The following FBXL13 variants were observed in gnomAD, a reference collection of about 807,000 sequenced individuals.
FBXL13 encodes F-box and leucine-rich repeat protein 13.
FBXL13 carries 67 observed loss-of-function variants against 83.6 expected under a neutral mutation model. The observed-to-expected ratio is 0.80, with a 90% CI of 0.66 to 0.98. The LOEUF (loss-of-function observed/expected upper bound fraction) is 0.98, where lower values mean the gene tolerates loss of function less well. Ranked by LOEUF, FBXL13 falls within the 50% of genes least tolerant of loss-of-function variation. The pLI, the probability that FBXL13 is intolerant of heterozygous loss-of-function variation, is 0.00. For missense variants in FBXL13, 822 were observed against 866.5 expected (o/e 0.95, Z 0.64); for synonymous variants, 272 against 299.5 (o/e 0.91, Z 0.95).
intron 8 of FBXL13, among the ~76,000 whole-genome samples, chr7:102,948,158 G>T (rs916731052): frequency 6.6e-6 from 1 of 151,782 alleles, no homozygotes; most frequent in South Asian, 2.1e-4. Context: ...CTGCCTCCTG[G>T]GTTCAAGTGA....
intron 9 of FBXL13, among the ~76,000 whole-genome samples, chr7:102,931,120 A>T (rs571660593): frequency 6.6e-6 from 1 of 152,318 alleles, no homozygotes; most frequent in East Asian, 1.9e-4. Context: ...AGCTTGATAA[A>T]GAGGAAAGCA....
chr7:103,050,347 C>T (rs1796682700), intron 2 of FBXL13, among the ~76,000 whole-genome samples: 1 of 152,218 alleles, frequency 6.6e-6, no homozygotes, highest in South Asian at 2.1e-4. Flanking sequence ...CTGAGCAGCC[C>T]TAGCGTCCCA....
At chr7:102,819,209 G>C (rs1798454565) in intron 19 of FBXL13, among the ~76,000 whole-genome samples, 2 of 152,082 alleles carry the variant, frequency 1.3e-5, no homozygotes, top group Admixed American at 6.5e-5. Flanking sequence ...CCCACAGAGG[G>C]CCATAAGTTG....
chr7:103,073,863 C>T (rs552409093), intron 1 of FBXL13, among the ~76,000 whole-genome samples: 5 of 152,288 alleles, frequency 3.3e-5, no homozygotes, highest in Admixed American at 3.3e-4. Flanking sequence ...ATCTCTCTCC[C>T]TCATTCTCCA....
chr7:102,912,790 T>C (rs961528013), intron 11 of FBXL13, among the ~76,000 whole-genome samples: 2 of 151,700 alleles, frequency 1.3e-5, no homozygotes, highest in Non-Finnish European at 1.5e-5. Context: ...TCCAGAGTTT[T>C]CAGGACTTGG....
At chr7:103,049,740 A>G (rs912359635) in intron 2 of FBXL13, among the ~76,000 whole-genome samples, 1 of 152,218 alleles carries the variant, frequency 6.6e-6, no homozygotes, top group African/African-American at 2.4e-5. Context: ...TCTTTAATAA[A>G]GTCCTTTTAA....
intron 17 of FBXL13, among the ~76,000 whole-genome samples, chr7:102,838,967 G>T (rs893181616): frequency 9.2e-5 from 14 of 152,120 alleles, no homozygotes; most frequent in African/African-American, 3.4e-4. Flanking sequence ...AAAAGAGGAA[G>T]GCCTCTTGCA....
chr7:103,027,341 A>G lies in FBXL13; in HGVS notation c.327+108T>C, dbSNP rs546566593. 1.5e-5 allele frequency: 10 copies of G among 678,488 alleles called. No individual in the cohort carries two copies. In the African/African-American group the frequency reaches 1.8e-4, roughly 12 times the overall value. 42.0% of individuals were successfully genotyped at this position (678,488 alleles called of 1,614,324 possible). On this transcript the variant is annotated intron_variant, in intron 5 of 19. Transcript: ENST00000313221. Reference sequence around the variant, plus strand: ...AAAACAAGAATCCCATCAAAAGTAGATAATATTCAGGATTTTAGTATTTTC... The same window carrying G: ...AAAACAAGAATCCCATCAAAAGTAGGTAATATTCAGGATTTTAGTATTTTC...
chr7:102,866,844 A>G (rs1361966767), intron 16 of FBXL13, among the ~76,000 whole-genome samples: 1 of 152,178 alleles, frequency 6.6e-6, no homozygotes, highest in East Asian at 1.9e-4. Context: ...TGTGCCTCCT[A>G]TGAACATCTT....
intron 19 of FBXL13, among the ~76,000 whole-genome samples, chr7:102,820,959 G>C (rs923623691): frequency 6.6e-6 from 1 of 152,222 alleles, no homozygotes; most frequent in African/African-American, 2.4e-5. Flanking sequence ...CCCCTTGCCA[G>C]AAAGTCTCCA....
intron 6 of FBXL13, among the ~76,000 whole-genome samples, chr7:103,019,445 C>G (rs1289917418): frequency 6.6e-6 from 1 of 152,086 alleles, no homozygotes; most frequent in Non-Finnish European, 1.5e-5. Flanking sequence ...TATTCAAAAG[C>G]TAGCAGAAGG....
At chr7:103,034,266 G>A (rs541130262) in intron 2 of FBXL13, among the ~76,000 whole-genome samples, 236 of 152,334 alleles carry the variant, frequency 1.5e-3, no homozygotes, top group Non-Finnish European at 2.4e-3. Flanking sequence ...TTGGGTGGTC[G>A]ATGGGACTGC....
rs368442535 is a variant in FBXL13 at position 102,944,655 on chromosome 7, T to C, written c.725-12722A>G. 4.1e-6 allele frequency: 6 copies of C among 1,474,500 alleles called. No individual in the cohort carries two copies. The African/African-American group carries it at 8.4e-5, about 21-fold the overall frequency. The allele number at this position is 1,474,500 out of a possible 1,614,324, so 91.3% of individuals were successfully genotyped here. A position where few individuals can be genotyped will look rare whatever the true frequency, so the allele number is the denominator to read the frequency against. ...ATTAGTTTTGTATTTTCTATACTGG[T>C]GTTAGAAAACATATGTTTACATTTG... On this transcript the variant is annotated intron_variant, in intron 8 of 19. Coordinates refer to ENST00000313221, the Ensembl canonical transcript of FBXL13.
At chr7:102,860,979 T>TTATA (rs921842581) in intron 16 of FBXL13, among the ~76,000 whole-genome samples, 58 of 147,270 alleles carry the variant, frequency 3.9e-4, no homozygotes, top group African/African-American at 1.4e-3. Flanking sequence ...TTATATATAG[T>TTATA]TATATATATA....
At chr7:103,066,965 A>G (rs546778206) in intron 1 of FBXL13, among the ~76,000 whole-genome samples, 7 of 151,774 alleles carry the variant, frequency 4.6e-5, no homozygotes, top group Admixed American at 2.0e-4. Context: ...CTAATTTTGT[A>G]TTTTTAGTGA....
chr7:103,018,348 CG>C (rs1792646491), intron 6 of FBXL13, among the ~76,000 whole-genome samples: 1 of 152,134 alleles, frequency 6.6e-6, no homozygotes. Flanking sequence ...AAGGAACAAC[CG>C]GTACCAGCCA....
intron 2 of FBXL13, among the ~76,000 whole-genome samples, chr7:103,030,300 G>A (rs1585445650): frequency 6.6e-6 from 1 of 152,140 alleles, no homozygotes; most frequent in African/African-American, 2.4e-5. Flanking sequence ...ATACAAGAAA[G>A]GCCCATAGGA....
chr7:103,033,368 G>C (rs1415582904), intron 2 of FBXL13, among the ~76,000 whole-genome samples: 2 of 152,180 alleles, frequency 1.3e-5, no homozygotes, highest in African/African-American at 4.8e-5. Context: ...CAAAGTGAAG[G>C]AAAGGCATTG....
intron 6 of FBXL13, among the ~76,000 whole-genome samples, chr7:102,977,064 T>A (rs1362742600): frequency 1.3e-5 from 2 of 152,110 alleles, no homozygotes; most frequent in African/African-American, 4.8e-5. Flanking sequence ...TATGATCACT[T>A]AAACAGAGAA....
Sources: allele counts gnomAD v4.1 joint callset (sites outside exome capture counted in the v4.1 genomes callset), GRCh38; gene constraint gnomAD v4.1.1; transcripts MANE v1.5; gene names NCBI Gene and HGNC (gene_info 2026-07-23, HGNC 2026-07-21).